KAT2B: variants seen among roughly 807,000 people sequenced by gnomAD.
KAT2B encodes the protein histone acetyltransferase KAT2B.
KAT2B carries 36 observed loss-of-function variants against 105.9 expected under a neutral mutation model. That is an observed-to-expected ratio of 0.34 (90% confidence interval 0.26 to 0.45). The LOEUF is 0.45. KAT2B is among the 20% of genes least tolerant of loss of function. The pLI, the probability that KAT2B is intolerant of heterozygous loss-of-function variation, is 1.00. For synonymous variants in KAT2B, 397 were observed against 377.9 expected (o/e 1.05, Z -0.59); for missense variants, 820 against 1,021.6 (o/e 0.80, Z 2.69).
At chr3:20,079,141 T>A (rs1275238668) in intron 2 of KAT2B, among the ~76,000 whole-genome samples, 1 of 150,878 alleles carries the variant, frequency 6.6e-6, no homozygotes, top group African/African-American at 2.4e-5. Context: ...TCTCAGGTGA[T>A]CCACCCGCCT....
chr3:20,134,397 TTTGTTGTTG>T (rs1044518186), intron 11 of KAT2B, among the ~76,000 whole-genome samples: 1 of 152,056 alleles, frequency 6.6e-6, no homozygotes, highest in African/African-American at 2.4e-5. Context: ...TTTTGTTGTT[TTTGTTGTTG>T]TTGTTGTTTG....
intron 2 of KAT2B, among the ~76,000 whole-genome samples, chr3:20,093,585 A>G (rs1218631815): frequency 6.6e-6 from 1 of 152,200 alleles, no homozygotes; most frequent in Non-Finnish European, 1.5e-5. Context: ...TGAGCGCATC[A>G]TGGTCTCCAG....
At position 20,079,662 on chromosome 3, in the gene KAT2B, C is replaced by T. The variant is rs1367187825; in HGVS notation, c.430+7203C>T. ...CAGATCATTTGACTCAACACATTTT[C>T]TTTGATCATACGACATTTGCATAGA... On this transcript the variant is annotated intron_variant, in intron 2 of 17. Transcript: ENST00000263754. 4.6e-5 allele frequency among the ~76,000 whole-genome samples: 7 copies of T among 152,182 alleles called. No individual in the cohort carries two copies. In the East Asian group the frequency reaches 1.3e-3, roughly 29 times the overall value.
intron 5 of KAT2B, among the ~76,000 whole-genome samples, chr3:20,106,961 GTATATATA>G (rs60656536): frequency 1.4e-5 from 1 of 69,968 alleles, no homozygotes; most frequent in South Asian, 4.7e-4. Context: ...AATTTTATGT[GTATATATA>G]TATATATATG....
At chr3:20,125,161 A>T (rs1010331650) in intron 9 of KAT2B, among the ~76,000 whole-genome samples, 11 of 152,280 alleles carry the variant, frequency 7.2e-5, no homozygotes, top group African/African-American at 9.6e-5. Context: ...TCTCTACTAA[A>T]AAATACAAAA....
At chr3:20,040,836 A>T in intron 1 of KAT2B, 56 bp downstream of exon 1, 1 of 1,490,930 alleles carries the variant, frequency 6.7e-7, no homozygotes, top group Non-Finnish European at 8.9e-7. Context: ...AGCCCGCGGG[A>T]CCCCCCTCCC....
intron 2 of KAT2B, among the ~76,000 whole-genome samples, chr3:20,083,350 A>G (rs936420847): frequency 6.6e-6 from 1 of 152,244 alleles, no homozygotes; most frequent in Non-Finnish European, 1.5e-5. Flanking sequence ...ATTTGCATCA[A>G]AAAGTCTTCT....
At chr3:20,086,286 A>T (rs1490651084) in intron 2 of KAT2B, among the ~76,000 whole-genome samples, 4 of 150,070 alleles carry the variant, frequency 2.7e-5, no homozygotes, top group Non-Finnish European at 5.9e-5. Flanking sequence ...GAAAACAAAA[A>T]CAAAAAGGAA....
At chr3:20,068,854 C>G (rs555788125) in intron 1 of KAT2B, among the ~76,000 whole-genome samples, 1 of 152,058 alleles carries the variant, frequency 6.6e-6, no homozygotes, top group Non-Finnish European at 1.5e-5. Flanking sequence ...AGTCATTTTT[C>G]TTTCTCTAAC....
At chr3:20,040,878 T>TGCCTCTC in intron 1 of KAT2B, 98 bp downstream of exon 1, 1 of 1,353,176 alleles carries the variant, frequency 7.4e-7, no homozygotes, top group Non-Finnish European at 9.6e-7. Context: ...TCCCGCCTCC[T>TGCCTCTC]GCCTCTCGCC....
rs75200486 is a variant in KAT2B, at chr3:20,125,861, A to G, written c.1414-44A>G. The G allele has an allele frequency of 2.5e-3, 3,732 of 1,500,052 alleles. 78 individuals carry two copies. In the African/African-American group the frequency reaches 0.046, roughly 18 times the overall value. The allele number at this position is 1,500,052 out of a possible 1,614,324, so 92.9% of individuals were successfully genotyped here. A position where few individuals can be genotyped will look rare whatever the true frequency, so the allele number is the denominator to read the frequency against. On this transcript the variant is annotated intron_variant, in intron 9 of 17. Transcript: ENST00000263754. ...GATGTGTCCCATCCCCACTGTCTTG[A>G]GAGAATAGCTCTGTGTAATTTTTTC...
At chr3:20,067,623 C>T (rs537288165) in intron 1 of KAT2B, among the ~76,000 whole-genome samples, 1 of 151,948 alleles carries the variant, frequency 6.6e-6, no homozygotes, top group African/African-American at 2.4e-5. Context: ...ATAAGCAAGC[C>T]CATAGGAAGA....
chr3:20,062,308 A>AT (rs1166610620), intron 1 of KAT2B, among the ~76,000 whole-genome samples: 11,476 of 63,072 alleles, frequency 0.18, 2,056 homozygotes, highest in Non-Finnish European at 0.29. Flanking sequence ...TATAAAATAT[A>AT]ATATATATAA....
At chr3:20,072,183 TTC>T in intron 1 of KAT2B, 148 bp from the exon 2 acceptor site, 1 of 778,974 alleles carries the variant, frequency 1.3e-6, no homozygotes, top group Non-Finnish European at 2.1e-6. Context: ...CCTTTGGGTT[TTC>T]TGTTTTTCTC....
intron 4 of KAT2B, chr3:20,100,954 T>TA (rs1698899298): frequency 7.1e-6 from 2 of 282,774 alleles, no homozygotes; most frequent in Non-Finnish European, 1.3e-5. Flanking sequence ...AGTAAAGCAA[T>TA]AATTATTCTG....
intron 1 of KAT2B, among the ~76,000 whole-genome samples, chr3:20,055,549 GT>G (rs1372591785): frequency 6.6e-6 from 1 of 152,128 alleles, no homozygotes; most frequent in Non-Finnish European, 1.5e-5. Context: ...GAGGAAGAGG[GT>G]GCCGTGCAAA....
intron 11 of KAT2B, among the ~76,000 whole-genome samples, chr3:20,130,925 CGTGT>C (rs910392359): frequency 1.8e-4 from 26 of 144,718 alleles, no homozygotes; most frequent in Admixed American, 1.3e-3. Flanking sequence ...TGCATGCGTG[CGTGT>C]GTGTGTGTGT....
chr3:20,132,010 C>T (rs1245928919), intron 11 of KAT2B, among the ~76,000 whole-genome samples: 2 of 152,124 alleles, frequency 1.3e-5, no homozygotes, highest in African/African-American at 2.4e-5. Flanking sequence ...ATTTATTGTG[C>T]TGAAAACACA....
chr3:20,127,302 G>A (rs561221656), intron 10 of KAT2B, 121 bp from the exon 11 acceptor site: 36 of 872,066 alleles, frequency 4.1e-5, no homozygotes, highest in South Asian at 1.7e-5. Context: ...CTACATGAAG[G>A]AAGTTTCTAT....
Sources: gnomAD v4.1 joint callset for allele counts (sites outside exome capture counted in the v4.1 genomes callset) on GRCh38, gnomAD v4.1.1 for gene constraint, MANE v1.5 for transcripts, NCBI Gene and HGNC (gene_info 2026-07-23, HGNC 2026-07-21) for gene names.